SUGCT: variants seen among roughly 807,000 people sequenced by gnomAD.
SUGCT encodes the protein succinyl-CoA:glutarate CoA-transferase.
A neutral mutation model predicts 55.0 loss-of-function variants in SUGCT; 41 were observed. The observed-to-expected ratio is 0.74, with a 90% CI of 0.58 to 0.97. The LOEUF (loss-of-function observed/expected upper bound fraction) is 0.97, where lower values mean the gene tolerates loss of function less well. Ranked by LOEUF, SUGCT falls within the 50% of genes least tolerant of loss-of-function variation. SUGCT has a pLI of 0.00. For missense variants in SUGCT, 568 were observed against 547.8 expected (o/e 1.04, Z -0.37); for synonymous variants, 187 against 200.4 (o/e 0.93, Z 0.56).
chr7:40,553,067 C>A (rs1234203025), intron 12 of SUGCT, among the ~76,000 whole-genome samples: 1 of 152,140 alleles, frequency 6.6e-6, no homozygotes, highest in African/African-American at 2.4e-5. Context: ...AAAAAGTGTT[C>A]AAAATGGTAA....
intron 1 of SUGCT, among the ~76,000 whole-genome samples, chr7:40,135,467 A>G (rs1016654839): frequency 2.6e-4 from 39 of 152,262 alleles, no homozygotes; most frequent in African/African-American, 8.9e-4. Flanking sequence ...CATTTCAGAA[A>G]GGACTTTAGC....
At chr7:40,783,235 T>C (rs4050963) in intron 13 of SUGCT, among the ~76,000 whole-genome samples, 47,251 of 151,942 alleles carry the variant, frequency 0.31, 7,928 homozygotes, top group South Asian at 0.47. Context: ...ATCGGACTAC[T>C]TTTTCCTCTT....
At chr7:40,778,204 T>A (rs1584426990) in intron 13 of SUGCT, among the ~76,000 whole-genome samples, 1 of 151,592 alleles carries the variant, frequency 6.6e-6, no homozygotes, top group East Asian at 2.0e-4. Context: ...TGTAGAATTG[T>A]ACTTTATAAA....
chr7:40,151,494 C>T (rs988575208), intron 1 of SUGCT: 1 of 156,954 alleles, frequency 6.4e-6, no homozygotes, highest in Non-Finnish European at 1.4e-5. Flanking sequence ...GTGTTAAACA[C>T]TATTGTATAT....
At chr7:40,621,631 A>G (rs117754465) in intron 12 of SUGCT, among the ~76,000 whole-genome samples, 167 of 152,300 alleles carry the variant, frequency 1.1e-3, no homozygotes, top group Non-Finnish European at 2.0e-3. Context: ...ATCCGGTGAT[A>G]AAAGGAAGAA....
intron 9 of SUGCT, among the ~76,000 whole-genome samples, chr7:40,427,811 A>G (rs1787669338): frequency 6.6e-6 from 1 of 152,078 alleles, no homozygotes; most frequent in African/African-American, 2.4e-5. Flanking sequence ...GGGGAGTGAT[A>G]TGGTTTGGAT....
chr7:40,942,972 T>C, the SUGCT span, among the ~76,000 whole-genome samples: 1 of 152,026 alleles, frequency 6.6e-6, no homozygotes, highest in African/African-American at 2.4e-5. Flanking sequence ...CTGAATTTTT[T>C]TTACATTTCT....
At chr7:40,944,293 C>T in the SUGCT span, among the ~76,000 whole-genome samples, 2 of 151,670 alleles carry the variant, frequency 1.3e-5, no homozygotes, top group Admixed American at 1.3e-4. Flanking sequence ...AATTAGATCC[C>T]ATTTGTCAAT....
chr7:40,386,058 G>A (rs1041083387), intron 9 of SUGCT, among the ~76,000 whole-genome samples: 1 of 152,154 alleles, frequency 6.6e-6, no homozygotes, highest in Non-Finnish European at 1.5e-5. Flanking sequence ...GAAATATGTG[G>A]TGTTGTCTTG....
the SUGCT span, among the ~76,000 whole-genome samples, chr7:40,911,242 T>C: frequency 1.3e-5 from 2 of 152,160 alleles, no homozygotes; most frequent in East Asian, 3.9e-4. Flanking sequence ...AAAGAAACAG[T>C]ACAAGCCACC....
intron 13 of SUGCT, among the ~76,000 whole-genome samples, chr7:40,805,266 C>T (rs1584466911): frequency 6.6e-6 from 1 of 152,080 alleles, no homozygotes; most frequent in Non-Finnish European, 1.5e-5. Context: ...GCCCTTTGAG[C>T]CTCATGCATA....
At chr7:40,393,663 A>G (rs1785564331) in intron 9 of SUGCT, among the ~76,000 whole-genome samples, 1 of 152,158 alleles carries the variant, frequency 6.6e-6, no homozygotes, top group Non-Finnish European at 1.5e-5. Context: ...TGACCAATGC[A>G]TAGGTCCCCA....
chr7:41,007,823 CA>C, the SUGCT span, among the ~76,000 whole-genome samples: 5,551 of 104,266 alleles, frequency 0.053, 293 homozygotes, highest in African/African-American at 0.18. Context: ...AACTGAAATC[CA>C]AAAAAAAAAA....
At chr7:40,321,965 A>T (rs947121277) in intron 9 of SUGCT, among the ~76,000 whole-genome samples, 1 of 152,064 alleles carries the variant, frequency 6.6e-6, no homozygotes, top group African/African-American at 2.4e-5. Flanking sequence ...GGATTGCTGG[A>T]TTGAATGGTA....
chr7:40,693,730 A>C (rs961061857), intron 12 of SUGCT, among the ~76,000 whole-genome samples: 13 of 152,228 alleles, frequency 8.5e-5, no homozygotes, highest in African/African-American at 3.1e-4. Flanking sequence ...CCTCAGTATT[A>C]GAATTTTGGA....
chr7:40,820,131 T>G (rs1791903194), intron 13 of SUGCT, among the ~76,000 whole-genome samples: 1 of 152,228 alleles, frequency 6.6e-6, no homozygotes, highest in Non-Finnish European at 1.5e-5. Flanking sequence ...ATATCTCTGT[T>G]TTGGTACCAG....
chr7:40,955,716 A>C, the SUGCT span, among the ~76,000 whole-genome samples: 1 of 152,190 alleles, frequency 6.6e-6, no homozygotes, highest in Non-Finnish European at 1.5e-5. Context: ...GGTGGTTTTC[A>C]AAGGGAATGC....
At chr7:40,163,821 T>G (rs1244948414) in intron 1 of SUGCT, among the ~76,000 whole-genome samples, 2 of 151,790 alleles carry the variant, frequency 1.3e-5, no homozygotes, top group African/African-American at 4.8e-5. Context: ...TTTTTTGAAT[T>G]GAATTTTTTT....
intron 12 of SUGCT, among the ~76,000 whole-genome samples, chr7:40,614,574 GT>G (rs1269822612): frequency 6.6e-6 from 1 of 152,158 alleles, no homozygotes; most frequent in Non-Finnish European, 1.5e-5. Context: ...CTTAATGGTA[GT>G]TGTGCTGTTT....
Sources: gnomAD v4.1 joint callset for allele counts (sites outside exome capture counted in the v4.1 genomes callset) on GRCh38, gnomAD v4.1.1 for gene constraint, MANE v1.5 for transcripts, NCBI Gene and HGNC (gene_info 2026-07-23, HGNC 2026-07-21) for gene names.